SYT16: variants seen among roughly 807,000 people sequenced by gnomAD.
SYT16 encodes synaptotagmin 16, also known as synaptotagmin-16.
A neutral mutation model predicts 61.4 loss-of-function variants in SYT16; 42 were observed. The observed-to-expected ratio is 0.68, with a 90% CI of 0.53 to 0.89. The LOEUF (loss-of-function observed/expected upper bound fraction) is 0.89. Ranked by LOEUF, SYT16 falls within the 40% of genes least tolerant of loss-of-function variation. SYT16 has a pLI of 0.00. For missense variants in SYT16, 804 were observed against 807.3 expected (o/e 1.00, Z 0.05); for synonymous variants, 314 against 302.3 (o/e 1.04, Z -0.40).
At chr14:61,834,067 T>A (rs559560841) in intron 1 of SYT16, among the ~76,000 whole-genome samples, 8 of 152,042 alleles carry the variant, frequency 5.3e-5, no homozygotes, top group African/African-American at 1.9e-4. Context: ...AGAATTTCCA[T>A]GTGTTTTTAG....
At chr14:61,821,722 C>CTG (rs2045624699) in intron 1 of SYT16, among the ~76,000 whole-genome samples, 1 of 152,182 alleles carries the variant, frequency 6.6e-6, no homozygotes, top group Non-Finnish European at 1.5e-5. Flanking sequence ...ATTCTCTTGG[C>CTG]TAGTAGCAAG....
intron 2 of SYT16, among the ~76,000 whole-genome samples, chr14:61,987,460 C>T (rs2052362322): frequency 6.6e-6 from 1 of 152,074 alleles, no homozygotes; most frequent in Non-Finnish European, 1.5e-5. Context: ...GCAGTGGGGT[C>T]ATTTAAGAGA....
At chr14:61,833,353 C>T (rs1452528772) in intron 1 of SYT16, among the ~76,000 whole-genome samples, 2 of 148,340 alleles carry the variant, frequency 1.3e-5, no homozygotes, top group Non-Finnish European at 3.0e-5. Context: ...AGTGCGATGG[C>T]TCGATCTCAG....
intron 1 of SYT16, chr14:61,865,383 C>G (rs2140295807): frequency 3.2e-6 from 2 of 629,724 alleles, no homozygotes; most frequent in East Asian, 3.8e-5. Flanking sequence ...GGGCTGCTCT[C>G]CTCATTTATG....
At chr14:61,901,925 C>G (rs979617253) in intron 1 of SYT16, among the ~76,000 whole-genome samples, 1 of 151,946 alleles carries the variant, frequency 6.6e-6, no homozygotes, top group African/African-American at 2.4e-5. Context: ...CCACTCCCAG[C>G]TAATTTTTAT....
At chr14:62,014,783 C>A (rs1233840298) in intron 3 of SYT16, among the ~76,000 whole-genome samples, 2 of 151,982 alleles carry the variant, frequency 1.3e-5, no homozygotes, top group African/African-American at 2.4e-5. Flanking sequence ...TCTTGAGTTT[C>A]CCCCTCCGAA....
Position 61,837,151 on chromosome 14 carries a change from G to T in SYT16, c.-325+24341G>T, listed in dbSNP as rs562246195. Among the ~76,000 whole-genome samples the T allele has an allele frequency of 7.6e-4, 116 of 152,068 alleles. 4 individuals are homozygous for T. The South Asian group carries it at 0.023, about 30-fold the overall frequency. The stretch of plus-strand genomic sequence containing the variant: ...GATACCTCTATTCAGTGGTAAGTCT[G>T]TGCTGGTGAGCAGGGCCAGGCCTCC... On this transcript the variant is annotated intron_variant, in intron 1 of 7. Coordinates refer to ENST00000683842, the MANE Select transcript of SYT16 (RefSeq NM_001367656.1).
At chr14:62,018,832 C>T (rs777160230) in intron 3 of SYT16, among the ~76,000 whole-genome samples, 3 of 152,160 alleles carry the variant, frequency 2.0e-5, no homozygotes, top group Non-Finnish European at 4.4e-5. Flanking sequence ...ATGTTTCACT[C>T]TACGGTGCTT....
At chr14:62,038,999 A>G (rs979767095) in intron 3 of SYT16, among the ~76,000 whole-genome samples, 2 of 152,238 alleles carry the variant, frequency 1.3e-5, no homozygotes, top group Non-Finnish European at 2.9e-5. Context: ...CCATTTATAT[A>G]TGAAGAAATG....
chr14:61,831,072 C>T (rs2045922262), intron 1 of SYT16, among the ~76,000 whole-genome samples: 1 of 152,198 alleles, frequency 6.6e-6, no homozygotes, highest in African/African-American at 2.4e-5. Context: ...TTTTATTCCC[C>T]CAGATGACAT....
chr14:61,920,974 C>T (rs1159191253), intron 1 of SYT16, among the ~76,000 whole-genome samples: 4 of 152,172 alleles, frequency 2.6e-5, no homozygotes, highest in Non-Finnish European at 4.4e-5. Flanking sequence ...AACTAAAGAG[C>T]CTCAGCCTTC....
At chr14:61,913,005 C>T (rs532847036) in intron 1 of SYT16, among the ~76,000 whole-genome samples, 13 of 151,890 alleles carry the variant, frequency 8.6e-5, no homozygotes, top group African/African-American at 2.7e-4. Flanking sequence ...AATCTGGAGT[C>T]TTGGTCCTTC....
chr14:61,823,227 G>T (rs917748952), intron 1 of SYT16, among the ~76,000 whole-genome samples: 2 of 152,006 alleles, frequency 1.3e-5, no homozygotes, highest in Non-Finnish European at 2.9e-5. Flanking sequence ...TCCTGACTTC[G>T]TGATCCTTCC....
chr14:62,008,428 TATAAC>T (rs1358933455), intron 3 of SYT16, among the ~76,000 whole-genome samples: 1 of 152,126 alleles, frequency 6.6e-6, no homozygotes, highest in Non-Finnish European at 1.5e-5. Flanking sequence ...TATAGAGTAA[TATAAC>T]AAAGAGTCAC....
chr14:62,013,268 A>G (rs1258871227), intron 3 of SYT16, among the ~76,000 whole-genome samples: 1 of 152,340 alleles, frequency 6.6e-6, no homozygotes, highest in African/African-American at 2.4e-5. Flanking sequence ...AGCCACATGT[A>G]TCTGACTCAA....
At chr14:61,884,594 C>A (rs998765519) in intron 1 of SYT16, among the ~76,000 whole-genome samples, 2 of 152,186 alleles carry the variant, frequency 1.3e-5, no homozygotes, top group African/African-American at 4.8e-5. Flanking sequence ...TTGAAAAGTT[C>A]TTTGTTTTTG....
chr14:62,020,236 T>G (rs1316690967), intron 3 of SYT16, among the ~76,000 whole-genome samples: 1 of 152,138 alleles, frequency 6.6e-6, no homozygotes, highest in African/African-American at 2.4e-5. Context: ...AAGCCTCAAT[T>G]ATTTCATTTT....
At chr14:61,917,681 G>T (rs186860998) in intron 1 of SYT16, among the ~76,000 whole-genome samples, 23 of 152,116 alleles carry the variant, frequency 1.5e-4, no homozygotes, top group African/African-American at 5.5e-4. Context: ...ACTTGAGTTG[G>T]ACTTTTTTTT....
chr14:62,057,711 G>A (rs2055628062), intron 3 of SYT16, among the ~76,000 whole-genome samples: 1 of 152,078 alleles, frequency 6.6e-6, no homozygotes, highest in South Asian at 2.1e-4. Context: ...GATCCTCTGG[G>A]TCTCGCAAAG....
Sources: gnomAD v4.1 joint callset for allele counts (sites outside exome capture counted in the v4.1 genomes callset) on GRCh38, gnomAD v4.1.1 for gene constraint, MANE v1.5 for transcripts, NCBI Gene and HGNC (gene_info 2026-07-23, HGNC 2026-07-21) for gene names.